The following CNIH3 variants were observed in gnomAD, a reference collection of about 807,000 sequenced individuals.
CNIH3 encodes the protein protein cornichon homolog 3.
Under a neutral mutation model 24.1 loss-of-function variants are expected in CNIH3, and 14 were observed. The ratio of observed to expected loss-of-function variants is 0.58; its 90% CI spans 0.38 to 0.91. The LOEUF is 0.91. Ranked by LOEUF, CNIH3 falls within the 40% of genes least tolerant of loss-of-function variation. CNIH3 has a pLI of 0.00. For missense variants in CNIH3, 178 were observed against 196.8 expected (o/e 0.90, Z 0.57); for synonymous variants, 68 against 73.8 (o/e 0.92, Z 0.40).
intron 1 of CNIH3, among the ~76,000 whole-genome samples, chr1:224,456,473 C>T (rs998354920): frequency 2.0e-5 from 3 of 152,162 alleles, no homozygotes; most frequent in Admixed American, 2.0e-4. Context: ...TGCGGTGGTG[C>T]AGTCACGGCT....
intron 1 of CNIH3, among the ~76,000 whole-genome samples, chr1:224,493,686 T>C (rs1677324215): frequency 1.3e-5 from 2 of 152,190 alleles, no homozygotes; most frequent in South Asian, 4.1e-4. Flanking sequence ...CCATATCTTG[T>C]AGATAATTCA....
At chr1:224,662,759 A>G (rs1013626957) in intron 1 of CNIH3, among the ~76,000 whole-genome samples, 17 of 152,200 alleles carry the variant, frequency 1.1e-4, no homozygotes, top group African/African-American at 3.9e-4. Flanking sequence ...TACACATATA[A>G]ACAAAGACCC....
intron 1 of CNIH3, among the ~76,000 whole-genome samples, chr1:224,657,178 C>T (rs1267169992): frequency 1.3e-5 from 2 of 152,096 alleles, no homozygotes; most frequent in Non-Finnish European, 2.9e-5. Context: ...CAGTAGGATA[C>T]CTATAGCCAA....
At chr1:224,712,060 G>A (rs991468304) in intron 3 of CNIH3, among the ~76,000 whole-genome samples, 11 of 152,018 alleles carry the variant, frequency 7.2e-5, no homozygotes, top group Non-Finnish European at 1.0e-4. Context: ...CTTCAAGCCC[G>A]GGCCAGCCGG....
At chr1:224,689,101 G>A (rs12046338) in intron 3 of CNIH3, among the ~76,000 whole-genome samples, 10 of 152,062 alleles carry the variant, frequency 6.6e-5, no homozygotes, top group Admixed American at 6.6e-4. Context: ...TCTGCTCTCA[G>A]CCACTTCCGG....
chr1:224,689,931 C>CA (rs1686848372), intron 3 of CNIH3, among the ~76,000 whole-genome samples: 1 of 152,122 alleles, frequency 6.6e-6, no homozygotes, highest in East Asian at 1.9e-4. Flanking sequence ...GGGGCCCCTA[C>CA]AAAGTGCAGG....
chr1:224,645,764 A>G (rs1293503438), intron 1 of CNIH3, among the ~76,000 whole-genome samples: 1 of 152,146 alleles, frequency 6.6e-6, no homozygotes, highest in Non-Finnish European at 1.5e-5. Context: ...ACCACTCCCT[A>G]CTGCCATTCC....
At chr1:224,632,417 C>T (rs1683867155) in intron 1 of CNIH3, among the ~76,000 whole-genome samples, 1 of 152,144 alleles carries the variant, frequency 6.6e-6, no homozygotes, top group Admixed American at 6.5e-5. Context: ...AGGCCACATT[C>T]TGCTACAGTG....
chr1:224,516,234 G>A (rs537796518), intron 1 of CNIH3, among the ~76,000 whole-genome samples: 67 of 142,740 alleles, frequency 4.7e-4, no homozygotes, highest in Admixed American at 1.3e-3. Context: ...AGAATCGATC[G>A]AACCAGGAGG....
At chr1:224,560,109 A>G (rs1277530688) in intron 3 of CNIH3, among the ~76,000 whole-genome samples, 1 of 152,216 alleles carries the variant, frequency 6.6e-6, no homozygotes, top group Non-Finnish European at 1.5e-5. Flanking sequence ...TAGAATGAAT[A>G]TGACCACAGT....
At chr1:224,563,460 GGTGTGTGTGTGT>G (rs55836837) in intron 3 of CNIH3, among the ~76,000 whole-genome samples, 141 of 146,474 alleles carry the variant, frequency 9.6e-4, no homozygotes, top group Middle Eastern at 3.5e-3. Context: ...TTTTAGACGG[GGTGTGTGTGTGT>G]GTGTGTGTGT....
At chr1:224,491,554 T>G (rs1002352571) in intron 1 of CNIH3, among the ~76,000 whole-genome samples, 3 of 152,338 alleles carry the variant, frequency 2.0e-5, no homozygotes, top group East Asian at 3.9e-4. Flanking sequence ...TTATCTATGC[T>G]CTTAAGCTTA....
At chr1:224,692,264 C>T (rs1420401506) in intron 3 of CNIH3, among the ~76,000 whole-genome samples, 1 of 152,138 alleles carries the variant, frequency 6.6e-6, no homozygotes, top group Admixed American at 6.5e-5. Flanking sequence ...CAAGGTCATG[C>T]CACTGCACTG....
At chr1:224,506,976 A>G (rs1677946549) in intron 1 of CNIH3, among the ~76,000 whole-genome samples, 3 of 151,844 alleles carry the variant, frequency 2.0e-5, no homozygotes, top group Non-Finnish European at 4.4e-5. Context: ...TGATCCTCCT[A>G]CCTCAGCCTT....
At chr1:224,626,767 C>A (rs1683553763) in intron 1 of CNIH3, among the ~76,000 whole-genome samples, 1 of 152,204 alleles carries the variant, frequency 6.6e-6, no homozygotes, top group Non-Finnish European at 1.5e-5. Flanking sequence ...AACTCCCCAT[C>A]TCACAGCCCC....
intron 1 of CNIH3, among the ~76,000 whole-genome samples, chr1:224,634,630 G>T (rs1353906100): frequency 6.6e-6 from 1 of 151,740 alleles, no homozygotes; most frequent in Non-Finnish European, 1.5e-5. Context: ...CCCAGTCAGT[G>T]CAGGCCCAAA....
At chr1:224,698,190 C>A (rs1042205815) in intron 3 of CNIH3, among the ~76,000 whole-genome samples, 1 of 152,092 alleles carries the variant, frequency 6.6e-6, no homozygotes, top group Non-Finnish European at 1.5e-5. Context: ...CAGCAGTAGA[C>A]AAGAAAATGC....
At chr1:224,454,094 C>T (rs1675543329) in intron 1 of CNIH3, among the ~76,000 whole-genome samples, 1 of 152,138 alleles carries the variant, frequency 6.6e-6, no homozygotes, top group African/African-American at 2.4e-5. Flanking sequence ...GAAATAACAG[C>T]AAAACTGCTT....
intron 1 of CNIH3, among the ~76,000 whole-genome samples, chr1:224,622,749 C>CT (rs1316455382): frequency 6.6e-6 from 1 of 152,236 alleles, no homozygotes; most frequent in Non-Finnish European, 1.5e-5. Flanking sequence ...AATTGGAGCT[C>CT]TTGCCTATAC....
Sources: allele counts gnomAD v4.1 joint callset (sites outside exome capture counted in the v4.1 genomes callset), GRCh38; gene constraint gnomAD v4.1.1; transcripts MANE v1.5; gene names NCBI Gene and HGNC (gene_info 2026-07-23, HGNC 2026-07-21).